The following BLACAT1 variants were observed in gnomAD, a reference collection of about 807,000 sequenced individuals.
BLACAT1 encodes bladder cancer associated transcript 1.
downstream of BLACAT1, chr1:205,436,068 G>A (rs1248294518): frequency 2.0e-5 from 3 of 152,308 alleles, no homozygotes; most frequent in Non-Finnish European, 4.4e-5. Context: ...ACAGAGGCTG[G>A]GAGAGTCCTG....
downstream of BLACAT1, chr1:205,436,482 C>G (rs948245385): frequency 6.7e-6 from 1 of 148,668 alleles, no homozygotes; most frequent in Admixed American, 6.8e-5. Context: ...CACAATAACC[C>G]CGGCACAGTG....
At chr1:205,454,756 T>C (rs1199862996) in intron 1 of BLACAT1, among the ~76,000 whole-genome samples, 1 of 152,048 alleles carries the variant, frequency 6.6e-6, no homozygotes, top group Non-Finnish European at 1.5e-5. Context: ...CAGAGCTCTT[T>C]CACCAGGGGT....
chr1:205,448,351 G>A lies in BLACAT1; in HGVS notation c.-36-7289C>T. Reference sequence around the variant, plus strand: ...ATGGCTTTTAGCCCTACATGAGTTTGGGACAGCAATCACATAGGAATGAAA... The same window carrying A: ...ATGGCTTTTAGCCCTACATGAGTTTAGGACAGCAATCACATAGGAATGAAA... On this transcript the variant is annotated intron_variant, in intron 1 of 1. Coordinates refer to ENST00000629624, the Ensembl canonical transcript of BLACAT1. The surrounding 1 kb of genome is among the most constrained non-coding windows in gnomAD (Gnocchi z 4.7). 1.9e-6 allele frequency: 1 copy of A among 534,528 alleles called. No individual in the cohort carries two copies. The highest frequency in any genetic ancestry group is 3.8e-6 in the Non-Finnish European group (1 of 259,950). 33.1% of individuals were successfully genotyped at this position (534,528 alleles called of 1,614,324 possible). A position where few individuals can be genotyped will look rare whatever the true frequency, so the allele number is the denominator to read the frequency against.
chr1:205,436,749 A>G (rs1160452456), downstream of BLACAT1: 2 of 152,150 alleles, frequency 1.3e-5, no homozygotes, highest in African/African-American at 2.4e-5. Context: ...TTCAGGAGGA[A>G]CACCAGACTT....
chr1:205,453,129 G>A (rs1023124832), intron 1 of BLACAT1, among the ~76,000 whole-genome samples: 5 of 152,174 alleles, frequency 3.3e-5, no homozygotes, highest in Non-Finnish European at 5.9e-5. Flanking sequence ...CAGGGGATCT[G>A]ATTCTGCTAT....
intron 1 of BLACAT1, among the ~76,000 whole-genome samples, chr1:205,447,254 A>C (rs1438961951): frequency 6.6e-6 from 1 of 152,226 alleles, no homozygotes; most frequent in Non-Finnish European, 1.5e-5. Context: ...CCATAAGTTA[A>C]ATAGGCTAAC....
chr1:205,441,175 C>G lies in BLACAT1; in HGVS notation c.-36-113G>C, dbSNP rs1575008269. ...GGGTCTGGCCCAGTCATTGCCACTC[C>G]CTGAGGCGGCCCGCTAGGTCTCTCA... On this transcript the variant is annotated intron_variant, in intron 1 of 1. Coordinates refer to ENST00000629624, the Ensembl canonical transcript of BLACAT1. The surrounding 1 kb of genome is among the most constrained non-coding windows in gnomAD (Gnocchi z 4.3). The G allele has an allele frequency of 6.6e-6, 1 of 152,384 alleles. No individual in the cohort carries two copies. The highest frequency in any genetic ancestry group is 2.4e-5 in the African/African-American group (1 of 41,534). The allele number at this position is 152,384 out of a possible 1,614,324, so 9.4% of individuals were successfully genotyped here. A position where few individuals can be genotyped will look rare whatever the true frequency, so the allele number is the denominator to read the frequency against.
rs1006055194 is a variant in BLACAT1, at chr1:205,448,937, C to G, written c.-37+6980G>C. On this transcript the variant is annotated intron_variant, in intron 1 of 1. Transcript: ENST00000629624. The surrounding 1 kb of genome is among the most constrained non-coding windows in gnomAD (Gnocchi z 4.7). ...GGGTTAAATAGGTTTCTTGAGTGCC[C>G]CCAGGGGTGGGGGCTGGGCCAACCT... Among the ~76,000 whole-genome samples the G allele has an allele frequency of 1.3e-5, 2 of 152,024 alleles. No individual in the cohort carries two copies. Among genetic ancestry groups the G allele is most frequent in the African/African-American group, 4.8e-5 (2 of 41,382 alleles).
intron 1 of BLACAT1, among the ~76,000 whole-genome samples, chr1:205,446,625 TAGG>T (rs112667647): frequency 1.8e-4 from 27 of 152,182 alleles, no homozygotes; most frequent in African/African-American, 6.3e-4. Flanking sequence ...GCTTTCCAGT[TAGG>T]AGATCAGGAG....
chr1:205,449,340 C>T (rs1468163561), intron 1 of BLACAT1, among the ~76,000 whole-genome samples: 1 of 151,730 alleles, frequency 6.6e-6, no homozygotes, highest in African/African-American at 2.4e-5. Flanking sequence ...TTCTAGGGCT[C>T]CTGCTAGCCC....
At chr1:205,447,049 C>A (rs1168940654) in intron 1 of BLACAT1, among the ~76,000 whole-genome samples, 4 of 152,242 alleles carry the variant, frequency 2.6e-5, no homozygotes, top group Non-Finnish European at 5.9e-5. Flanking sequence ...TGAGAACAAC[C>A]TCCCGTCTGG....
chr1:205,454,238 C>G (rs1456315251), intron 1 of BLACAT1, among the ~76,000 whole-genome samples: 1 of 152,234 alleles, frequency 6.6e-6, no homozygotes. Context: ...ATGCATATGA[C>G]TGCAATTCAG....
rs1000911825 is a variant in BLACAT1, at chr1:205,450,008, C to T, written c.-37+5909G>A. 1.3e-5 allele frequency: 2 copies of T among 152,466 alleles called. No homozygotes were observed. Among genetic ancestry groups the T allele is most frequent in the African/African-American group, 2.4e-5 (1 of 41,432 alleles). 9.4% of individuals were successfully genotyped at this position (152,466 alleles called of 1,614,324 possible). A position where few individuals can be genotyped will look rare whatever the true frequency, so the allele number is the denominator to read the frequency against. On this transcript the variant is annotated intron_variant, in intron 1 of 1. Transcript: ENST00000629624. This position sits in a 1 kb window ranked among gnomAD's most constrained non-coding sequence, Gnocchi z 4.4. ...CGCCCCAGCGAGGGCAGGCCTCCTC[C>T]CTCCCCCTGCCCGCCCACCACCGGC...
rs550282825 is a variant in BLACAT1, at chr1:205,448,450, G to A, written c.-36-7388C>T. The A allele has an allele frequency of 2.8e-5, 15 of 528,920 alleles. No homozygotes were observed. The highest frequency in any genetic ancestry group is 1.8e-4 in the Admixed American group (9 of 51,068). The allele number at this position is 528,920 out of a possible 1,614,324, so 32.8% of individuals were successfully genotyped here. Reference sequence around the variant, plus strand: ...AGGGAAGCGAGAAGCTGGGGCACCCGAGAAGCCCTCACTCCCCTTCTCAGC... The same window carrying A: ...AGGGAAGCGAGAAGCTGGGGCACCCAAGAAGCCCTCACTCCCCTTCTCAGC... On this transcript the variant is annotated intron_variant, in intron 1 of 1. Coordinates refer to ENST00000629624, the Ensembl canonical transcript of BLACAT1. This position sits in a 1 kb window ranked among gnomAD's most constrained non-coding sequence, Gnocchi z 4.7.
rs549048749 is a variant in BLACAT1 at position 205,450,956 on chromosome 1, C to T, written c.-37+4961G>A. Among the ~76,000 whole-genome samples, 3 of 152,306 alleles carry T rather than the reference C, an allele frequency of 2.0e-5. No homozygotes were observed. Among genetic ancestry groups the T allele is most frequent in the African/African-American group, 2.4e-5 (1 of 41,570 alleles). On this transcript the variant is annotated intron_variant, in intron 1 of 1. Coordinates refer to ENST00000629624, the Ensembl canonical transcript of BLACAT1. This position sits in a 1 kb window ranked among gnomAD's most constrained non-coding sequence, Gnocchi z 4.4. ...AAAGGCCACTGCTGGGCGAGAACCT[C>T]GAGGACTCCCTCTCCTCAAGATGGG... is the stretch of plus-strand genomic sequence containing the variant.
chr1:205,438,618 G>A (rs1575007053), downstream of BLACAT1, among the ~76,000 whole-genome samples: 1 of 152,272 alleles, frequency 6.6e-6, no homozygotes, highest in South Asian at 2.1e-4. Flanking sequence ...GGTGTGCCTG[G>A]CTAGAAGCTG....
intron 1 of BLACAT1, among the ~76,000 whole-genome samples, chr1:205,443,399 G>GA (rs1187827377): frequency 1.3e-5 from 2 of 151,792 alleles, no homozygotes; most frequent in East Asian, 3.9e-4. Context: ...GGGTCCTTTG[G>GA]GGAATTTAAG....
chr1:205,434,976 G>A (rs754848770), downstream of BLACAT1: 1 of 152,186 alleles, frequency 6.6e-6, no homozygotes, highest in Non-Finnish European at 1.5e-5. Context: ...TACTCCAGGT[G>A]CATAGATTCG....
chr1:205,438,324 C>T (rs1419556774), downstream of BLACAT1, among the ~76,000 whole-genome samples: 1 of 152,222 alleles, frequency 6.6e-6, no homozygotes, highest in African/African-American at 2.4e-5. Flanking sequence ...AGCTCAGGGC[C>T]CCCACCTCAA....
Sources: gnomAD v4.1 joint callset for allele counts (sites outside exome capture counted in the v4.1 genomes callset) on GRCh38, gnomAD v4.1.1 for gene constraint, Gnocchi (gnomAD v3.1) non-coding constraint, MANE v1.5 for transcripts, NCBI Gene and HGNC (gene_info 2026-07-23, HGNC 2026-07-21) for gene names.